The following CDH4 variants were observed in gnomAD, a reference collection of about 807,000 sequenced individuals.
CDH4 encodes the protein cadherin 4.
CDH4 carries 33 observed loss-of-function variants against 86.0 expected under a neutral mutation model. The observed-to-expected ratio is 0.38, with a 90% CI of 0.29 to 0.51. CDH4 has a LOEUF of 0.51. Ranked by LOEUF, CDH4 falls within the 20% of genes least tolerant of loss-of-function variation. The probability of loss-of-function intolerance (pLI) is 0.86; values close to 1 mark genes in which losing one functional copy is unlikely to be tolerated. For missense variants in CDH4, 1,114 were observed against 1,307.4 expected (o/e 0.85, Z 2.28); for synonymous variants, 555 against 549.4 (o/e 1.01, Z -0.14).
chr20:61,569,502 C>T lies in CDH4; in HGVS notation c.170-174061C>T, dbSNP rs140086877. Among the ~76,000 whole-genome samples the T allele has an allele frequency of 8.7e-3, 1,325 of 152,180 alleles. 23 individuals are homozygous for T. The highest frequency in any genetic ancestry group is 0.031 in the African/African-American group (1,275 of 41,508). ...ATCTCAGAATACACACAATATTTTC[C>T]CTGAATCATTTGAGAATTAGTTATG... On this transcript the variant is annotated intron_variant, in intron 2 of 15. Transcript: ENST00000614565.
At chr20:61,381,601 G>A (rs145497256) in intron 2 of CDH4, among the ~76,000 whole-genome samples, 120 of 152,202 alleles carry the variant, frequency 7.9e-4, no homozygotes, top group African/African-American at 2.3e-3. Context: ...ATGATGGAAC[G>A]CTGCTCTAAA....
In CDH4 at chr20:61,926,994, C is replaced by CT. The variant is rs397699407; in HGVS notation, c.1772-1196_1772-1195insT. Among the ~76,000 whole-genome samples, 90 of 152,318 alleles carry CT rather than the reference C, an allele frequency of 5.9e-4. 2 individuals are homozygous for CT. The South Asian group carries it at 0.012, about 20-fold the overall frequency. On this transcript the variant is annotated intron_variant, in intron 11 of 15. Transcript: ENST00000614565. ...TGCACAGGCTGGAGCAGGAGCCCCC[C>CT]GGTTAACAGAACCTGTCTGTGCTTC... is the stretch of plus-strand genomic sequence containing the variant.
intron 5 of CDH4, among the ~76,000 whole-genome samples, chr20:61,848,048 C>T (rs1156897397): frequency 6.6e-6 from 1 of 152,278 alleles, no homozygotes; most frequent in African/African-American, 2.4e-5. Context: ...AATGCATATG[C>T]AGAGCTTTGC....
At chr20:61,727,051 A>G (rs1326971883) in intron 2 of CDH4, among the ~76,000 whole-genome samples, 1 of 152,028 alleles carries the variant, frequency 6.6e-6, no homozygotes, top group Non-Finnish European at 1.5e-5. Context: ...CGCTGCTATC[A>G]TCACCATCAC....
intron 2 of CDH4, among the ~76,000 whole-genome samples, chr20:61,553,332 C>T (rs2086148913): frequency 1.3e-5 from 2 of 152,146 alleles, no homozygotes; most frequent in Admixed American, 6.6e-5. Flanking sequence ...CTTTTGGGGG[C>T]AATGAAAATG....
In CDH4 at chr20:61,618,674, G is replaced by T. The variant is rs140393216; in HGVS notation, c.170-124889G>T. Among the ~76,000 whole-genome samples the T allele has an allele frequency of 2.6e-5, 4 of 152,318 alleles. No individual in the cohort carries two copies. The East Asian group carries it at 7.7e-4, about 29-fold the overall frequency. On this transcript the variant is annotated intron_variant, in intron 2 of 15. Transcript: ENST00000614565. The stretch of plus-strand genomic sequence containing the variant: ...GCTGGGCAGATGGATCTCAGAGTTC[G>T]CTGTATCACGGGTACTCTGAGATTC...
intron 4 of CDH4, among the ~76,000 whole-genome samples, chr20:61,821,330 C>T (rs908797078): frequency 7.2e-6 from 1 of 138,230 alleles, no homozygotes; most frequent in Non-Finnish European, 1.6e-5. Context: ...CCCTACACAG[C>T]CCCCACCCCA....
chr20:61,683,945 G>A lies in CDH4; in HGVS notation c.170-59618G>A, dbSNP rs148237780. ...GTTGGGAGGCTGGGCTCTTCCTGGC[G>A]GTGGGTGAGACTGTAGCCCCATCAC... On this transcript the variant is annotated intron_variant, in intron 2 of 15. Transcript: ENST00000614565. Among the ~76,000 whole-genome samples the A allele has an allele frequency of 8.1e-4, 123 of 152,314 alleles. No homozygotes were observed. In the East Asian group the frequency reaches 0.021, roughly 26 times the overall value.
At chr20:61,627,752 C>T (rs924423733) in intron 2 of CDH4, among the ~76,000 whole-genome samples, 5 of 152,040 alleles carry the variant, frequency 3.3e-5, no homozygotes, top group Admixed American at 6.5e-5. Flanking sequence ...GGTGTCCAGA[C>T]GGCCTGGTGC....
At chr20:61,429,697 G>GGATGGGTGGATA (rs1241308288) in intron 2 of CDH4, among the ~76,000 whole-genome samples, 1 of 151,524 alleles carries the variant, frequency 6.6e-6, no homozygotes, top group Admixed American at 6.6e-5. Flanking sequence ...ATGGGTGGAT[G>GGATGGGTGGATA]GATGGGTGGA....
intron 2 of CDH4, among the ~76,000 whole-genome samples, chr20:61,721,014 A>G (rs1430068810): frequency 6.6e-6 from 1 of 152,118 alleles, no homozygotes; most frequent in Non-Finnish European, 1.5e-5. Flanking sequence ...CCAAGGCCAC[A>G]CCATGTGTCC....
At chr20:61,459,615 G>A (rs150034524) in intron 2 of CDH4, among the ~76,000 whole-genome samples, 2 of 150,968 alleles carry the variant, frequency 1.3e-5, no homozygotes, top group East Asian at 2.0e-4. Context: ...AGAGCGGGAG[G>A]GACATGGTGA....
chr20:61,833,223 C>T (rs953293510), intron 4 of CDH4, among the ~76,000 whole-genome samples: 6 of 152,092 alleles, frequency 3.9e-5, no homozygotes, highest in African/African-American at 1.2e-4. Context: ...GGATTTCTGA[C>T]GTTTCCAATG....
At chr20:61,486,110 C>T (rs1210402265) in intron 2 of CDH4, among the ~76,000 whole-genome samples, 4 of 152,190 alleles carry the variant, frequency 2.6e-5, no homozygotes, top group Non-Finnish European at 5.9e-5. Context: ...ATCACGAGCC[C>T]AAAAAATTCA....
intron 4 of CDH4, among the ~76,000 whole-genome samples, chr20:61,808,562 G>A (rs1481794788): frequency 1.3e-5 from 2 of 152,052 alleles, no homozygotes; most frequent in Non-Finnish European, 2.9e-5. Context: ...GCTACGTTTC[G>A]GAACATTAAA....
rs908914140 is a variant in CDH4, at chr20:61,939,684, G to C, written c.*2741G>C. The C allele has an allele frequency of 5.3e-5, 8 of 152,308 alleles. No individual in the cohort carries two copies. Among genetic ancestry groups the C allele is most frequent in the African/African-American group, 1.9e-4 (8 of 41,470 alleles). The allele number at this position is 152,308 out of a possible 1,614,324, so 9.4% of individuals were successfully genotyped here. ...TCAGGGGACTCCCACTGGAGGCCGGGAGGCCAATGCTGGCCAGGTGCGAGG... is the reference window on the plus strand; with the variant it reads ...TCAGGGGACTCCCACTGGAGGCCGGCAGGCCAATGCTGGCCAGGTGCGAGG... On this transcript the variant is annotated 3_prime_UTR_variant, in exon 16 of 16. Transcript: ENST00000614565.
intron 12 of CDH4, among the ~76,000 whole-genome samples, chr20:61,929,233 G>A (rs1479260274): frequency 1.3e-5 from 2 of 151,792 alleles, no homozygotes; most frequent in African/African-American, 2.4e-5. Context: ...CACCTCCCAG[G>A]TTCAAGCAAT....
At chr20:61,606,160 G>C (rs1037995136) in intron 2 of CDH4, among the ~76,000 whole-genome samples, 2 of 152,130 alleles carry the variant, frequency 1.3e-5, no homozygotes, top group Non-Finnish European at 1.5e-5. Context: ...GGTTTGCAGG[G>C]CACCTCCCCC....
At chr20:61,298,232 C>G (rs1365745371) in intron 2 of CDH4, among the ~76,000 whole-genome samples, 1 of 152,204 alleles carries the variant, frequency 6.6e-6, no homozygotes, top group Non-Finnish European at 1.5e-5. Flanking sequence ...TGACTCAGTC[C>G]TGACCGCTAT....
Sources: allele counts gnomAD v4.1 joint callset (sites outside exome capture counted in the v4.1 genomes callset), GRCh38; gene constraint gnomAD v4.1.1; transcripts MANE v1.5; gene names NCBI Gene and HGNC (gene_info 2026-07-23, HGNC 2026-07-21).